Variants in AGT observed in about 807,000 individuals in gnomAD.
The protein encoded by AGT is alpha-1 antiproteinase, antitrypsin.
In AGT, 26 loss-of-function variants were observed where a neutral mutation model predicts 28.1. The observed-to-expected ratio is 0.92, with a 90% CI of 0.68 to 1.28. The LOEUF is 1.28. AGT is among the 50% of genes most tolerant of loss of function. AGT has a pLI of 0.00. For missense variants in AGT, 596 were observed against 592.3 expected (o/e 1.01, Z -0.06); for synonymous variants, 259 against 259.6 (o/e 1.00, Z 0.02).
At chr1:230,714,554 G>A (rs878889761), upstream of AGT, among the ~76,000 whole-genome samples, 5 of 152,104 alleles carry the variant, frequency 3.3e-5, no homozygotes, top group South Asian at 8.3e-4. Context: ...TAGGCAACAC[G>A]GGGGCCACTT....
chr1:230,714,026 A>G (rs1663670842), intron 1 of AGT, 60 bp downstream of exon 1: 1 of 152,224 alleles, frequency 6.6e-6, no homozygotes, highest in African/African-American at 2.4e-5. Context: ...CCTAGCCCAC[A>G]GCTCAGTTAC....
At chr1:230,706,920 T>C (rs1043506246) in intron 2 of AGT, among the ~76,000 whole-genome samples, 7 of 152,226 alleles carry the variant, frequency 4.6e-5, no homozygotes, top group Non-Finnish European at 1.0e-4. Context: ...GCCCCAGCCA[T>C]GGCAGAGCCC....
At chr1:230,737,763 CTATT>C (rs1664181617) in intron 1 of AGT, among the ~76,000 whole-genome samples, 1 of 152,108 alleles carries the variant, frequency 6.6e-6, no homozygotes, top group Non-Finnish European at 1.5e-5. Flanking sequence ...TACAATTCAC[CTATT>C]TAAAGTGTAC....
chr1:230,743,870 G>T (rs1553316888), intron 1 of AGT, among the ~76,000 whole-genome samples: 2 of 152,228 alleles, frequency 1.3e-5, no homozygotes, highest in Admixed American at 6.5e-5. Flanking sequence ...GAGAAACAAA[G>T]GGAGTTCGCC....
At position 230,710,712 on chromosome 1, in the gene AGT, T is replaced by G. The variant is rs753145717; in HGVS notation, c.112A>C (p.Asn38His). The G allele has an allele frequency of 6.2e-7, 1 of 1,614,084 alleles. No individual in the cohort carries two copies. The highest frequency in any genetic ancestry group is 8.5e-7 in the Non-Finnish European group (1 of 1,179,968). ...YIHPFHLVIH[N>H]ESTCEQLAKA... ...GCCAGCTGCTCACAGGTACTCTCAT[T>G]GTGGATGACGAGGTGGAAGGGGTGT... Residue 38 changes from asparagine to histidine, a missense_variant, in exon 2 of 5, where the codon AAT becomes CAT. By Grantham distance (68) the Asn-to-His change is moderately conservative. Coordinates refer to ENST00000366667, the MANE Select transcript of AGT (RefSeq NM_001384479.1).
At chr1:230,721,244 C>A (rs1663837799) in intron 1 of AGT, among the ~76,000 whole-genome samples, 1 of 152,212 alleles carries the variant, frequency 6.6e-6, no homozygotes, top group Non-Finnish European at 1.5e-5. Context: ...ACTAACCCTT[C>A]TTCCTCCTTC....
intron 1 of AGT, among the ~76,000 whole-genome samples, chr1:230,722,920 G>A (rs1854054): frequency 0.14 from 21,487 of 152,088 alleles, 1,654 homozygotes; most frequent in South Asian, 0.22. Context: ...AATCTGAAAA[G>A]GCATGAGATT....
chr1:230,713,002 A>G (rs554781252), intron 1 of AGT, among the ~76,000 whole-genome samples: 3 of 151,974 alleles, frequency 2.0e-5, no homozygotes, highest in Admixed American at 6.6e-5. Flanking sequence ...CACTGTTCTC[A>G]TATCAACCCC....
intron 2 of AGT, among the ~76,000 whole-genome samples, chr1:230,708,640 T>C (rs1329640087): frequency 6.6e-6 from 1 of 152,218 alleles, no homozygotes; most frequent in Non-Finnish European, 1.5e-5. Flanking sequence ...CCTGGCTCTC[T>C]GTCCCTCACG....
intron 1 of AGT, among the ~76,000 whole-genome samples, chr1:230,723,005 C>T (rs4847005): frequency 3.3e-5 from 5 of 151,812 alleles, no homozygotes; most frequent in Non-Finnish European, 5.9e-5. Flanking sequence ...TTGTAATCCC[C>T]ACCTGTCAAG....
upstream of AGT, among the ~76,000 whole-genome samples, chr1:230,714,724 C>G (rs5045): frequency 4.1e-4 from 62 of 150,442 alleles, no homozygotes; most frequent in African/African-American, 1.5e-3. Context: ...TAAACACCAA[C>G]AATAGCACAG....
intron 1 of AGT, among the ~76,000 whole-genome samples, chr1:230,734,356 G>T (rs1211830501): frequency 1.3e-5 from 2 of 151,538 alleles, no homozygotes; most frequent in African/African-American, 4.9e-5. Flanking sequence ...CATAGAGACG[G>T]AAAATAGAAT....
chr1:230,718,634 G>A (rs1254565163), upstream of AGT, among the ~76,000 whole-genome samples: 1 of 150,086 alleles, frequency 6.7e-6, no homozygotes, highest in African/African-American at 2.5e-5. Flanking sequence ...AGGTCATGCA[G>A]TATTTTCCTT....
chr1:230,729,173 T>C (rs1320301720), intron 1 of AGT, among the ~76,000 whole-genome samples: 1 of 152,194 alleles, frequency 6.6e-6, no homozygotes, highest in Non-Finnish European at 1.5e-5. Flanking sequence ...GGCACCACCA[T>C]GCCCTTTGAC....
chr1:230,714,519 G>A (rs1663686951), upstream of AGT, among the ~76,000 whole-genome samples: 1 of 152,130 alleles, frequency 6.6e-6, no homozygotes, highest in Non-Finnish European at 1.5e-5. Context: ...GGTGCAGAGG[G>A]CAGAGGGCAG....
At chr1:230,716,535 A>G (rs1448659730), upstream of AGT, among the ~76,000 whole-genome samples, 1 of 152,208 alleles carries the variant, frequency 6.6e-6, no homozygotes, top group Non-Finnish European at 1.5e-5. Context: ...GGAGGGACCC[A>G]GTGGGAGGTA....
At chr1:230,725,796 C>G (rs1663929657) in intron 1 of AGT, among the ~76,000 whole-genome samples, 1 of 152,086 alleles carries the variant, frequency 6.6e-6, no homozygotes, top group South Asian at 2.1e-4. Flanking sequence ...ATCCAAGAGG[C>G]CAGTCATGGT....
chr1:230,745,185 T>C (rs1664325858), intron 1 of AGT, among the ~76,000 whole-genome samples: 1 of 152,150 alleles, frequency 6.6e-6, no homozygotes, highest in African/African-American at 2.4e-5. Flanking sequence ...TTGAGGCAAG[T>C]CAGGCTCAGA....
Position 230,703,398 on chromosome 1 carries a change from G to A in AGT, c.1243-69C>T, listed in dbSNP as rs545648872. The A allele has an allele frequency of 4.5e-6, 7 of 1,540,232 alleles. No individual in the cohort carries two copies. In the East Asian group the frequency reaches 1.1e-4, roughly 25 times the overall value. On this transcript the variant is annotated intron_variant, in intron 4 of 4. Transcript: ENST00000366667. The stretch of plus-strand genomic sequence containing the variant: ...GTGACCCAGGGTGCTGAGGGCTAGA[G>A]GGCCGGGGTGGGCTCAGGACCTCTG...
Sources: allele counts gnomAD v4.1 joint callset (sites outside exome capture counted in the v4.1 genomes callset), GRCh38; gene constraint gnomAD v4.1.1; transcripts MANE v1.5; gene names NCBI Gene and HGNC (gene_info 2026-07-23, HGNC 2026-07-21).